The following ACACA variants were observed in gnomAD, a reference collection of about 807,000 sequenced individuals.
The protein encoded by ACACA is acetyl-CoA carboxylase 1.
ACACA carries 103 observed loss-of-function variants against 296.1 expected under a neutral mutation model. That is an observed-to-expected ratio of 0.35 (90% confidence interval 0.30 to 0.41). The LOEUF (loss-of-function observed/expected upper bound fraction) is 0.41. ACACA is among the 10% of genes least tolerant of loss of function. The probability of loss-of-function intolerance (pLI) is 1.00; values close to 1 mark genes in which losing one functional copy is unlikely to be tolerated. For missense variants in ACACA, 1,554 were observed against 2,989.7 expected, an observed-to-expected ratio of 0.52 and a Z score of 11.20; for synonymous variants, 953 against 1,038.6, an observed-to-expected ratio of 0.92 and a Z score of 1.58.
rs748194912 is a variant in ACACA at position 37,274,294 on chromosome 17, G to A, written c.907C>T (p.Arg303Cys). The change falls in exon 9 of 56, where the codon CGT (arginine) becomes TGT (cysteine). Residue 303 changes from arginine to cysteine, a missense_variant. This residue lies in a region of ACACA where 47 missense variants were observed against 55.4 expected (regional missense o/e 0.85). Coordinates refer to ENST00000616317, the MANE Select transcript of ACACA (RefSeq NM_198834.3). ...PTLPWSGSGLRVDWQENDFSK... is the reference protein window; with the variant it reads ...PTLPWSGSGLCVDWQENDFSK... ...AAATCATTTTCCTGCCAGTCCACACGAAGACCTGCAACAGACAATAGCAAC... is the reference window on the plus strand; with the variant it reads ...AAATCATTTTCCTGCCAGTCCACACAAAGACCTGCAACAGACAATAGCAAC... 3.6e-5 allele frequency: 58 copies of A among 1,613,396 alleles called. 1 individual carries two copies. The highest frequency in any genetic ancestry group is 1.6e-4 in the Middle Eastern group (1 of 6,062).
chr17:37,107,342 C>T (rs1337342808), intron 52 of ACACA, among the ~76,000 whole-genome samples: 1 of 152,228 alleles, frequency 6.6e-6, no homozygotes, highest in African/African-American at 2.4e-5. Flanking sequence ...CTTTGATCAC[C>T]TCTGCCAGAA....
At chr17:37,263,478 G>A (rs867922741) in intron 11 of ACACA, among the ~76,000 whole-genome samples, 1 of 152,022 alleles carries the variant, frequency 6.6e-6, no homozygotes, top group African/African-American at 2.4e-5. Flanking sequence ...TTTAGAAAGC[G>A]TTAACTACTT....
chr17:37,400,793 T>C (rs1287548590), intron 1 of ACACA, among the ~76,000 whole-genome samples: 1 of 152,110 alleles, frequency 6.6e-6, no homozygotes, highest in Non-Finnish European at 1.5e-5. Flanking sequence ...TATTCATTCA[T>C]CCATTGGCAT....
At chr17:37,344,186 T>C (rs34553247) in intron 1 of ACACA, among the ~76,000 whole-genome samples, 3,866 of 152,218 alleles carry the variant, frequency 0.025, 104 homozygotes, top group African/African-American at 0.055. Flanking sequence ...CCCAGCATTC[T>C]GGGAGGCTGA....
chr17:37,162,326 C>T (rs1046749127), intron 41 of ACACA, among the ~76,000 whole-genome samples: 1 of 152,158 alleles, frequency 6.6e-6, no homozygotes, highest in African/African-American at 2.4e-5. Context: ...TAAATGCACT[C>T]AGGATACATG....
At chr17:37,375,631 TTTCCTGCTCTATTTCTATAA>T (rs1185969129) in intron 1 of ACACA, among the ~76,000 whole-genome samples, 1 of 152,210 alleles carries the variant, frequency 6.6e-6, no homozygotes, top group Admixed American at 6.5e-5. Context: ...CTAGTCCTAG[TTTCCTGCTCTATTTCTATAA>T]TTCCTGCTCT....
At chr17:37,132,541 T>C (rs781138218) in intron 45 of ACACA, among the ~76,000 whole-genome samples, 19 of 152,018 alleles carry the variant, frequency 1.2e-4, no homozygotes, top group Non-Finnish European at 2.1e-4. Context: ...TAAAATAAAA[T>C]TGGAAAGGGG....
At chr17:37,193,475 A>G (rs2305098) in intron 35 of ACACA, 60 bp from the exon 36 acceptor site, 179,056 of 1,292,592 alleles carry the variant, frequency 0.14, 16,510 homozygotes, top group East Asian at 0.42. Flanking sequence ...CTTTGAGAAC[A>G]AACAGTATAG....
At chr17:37,291,379 T>C (rs2146722973) in intron 3 of ACACA, among the ~76,000 whole-genome samples, 1 of 152,108 alleles carries the variant, frequency 6.6e-6, no homozygotes, top group Middle Eastern at 3.4e-3. Flanking sequence ...TTTCTCTATG[T>C]TGGTCAGGCT....
At chr17:37,362,621 A>G (rs1479075708) in intron 1 of ACACA, among the ~76,000 whole-genome samples, 1 of 152,204 alleles carries the variant, frequency 6.6e-6, no homozygotes, top group Admixed American at 6.5e-5. Context: ...TCGGTCAAAT[A>G]TTTAGATTAG....
At chr17:37,099,904 C>T (rs941700083) in intron 52 of ACACA, among the ~76,000 whole-genome samples, 1 of 152,088 alleles carries the variant, frequency 6.6e-6, no homozygotes, top group Non-Finnish European at 1.5e-5. Flanking sequence ...CCTCAAAAAA[C>T]GATTGAGACA....
intron 25 of ACACA, among the ~76,000 whole-genome samples, chr17:37,232,864 A>ATCCTCCTCC (rs369902920): frequency 1.3e-5 from 2 of 150,924 alleles, no homozygotes; most frequent in Non-Finnish European, 1.5e-5. Flanking sequence ...AACCGTCCTT[A>ATCCTCCTCC]TCCTCCTCCT....
rs577024561 is a variant in ACACA, at chr17:37,267,457, C to T, written c.1119+3294G>A. 8.5e-5 allele frequency among the ~76,000 whole-genome samples: 13 copies of T among 152,332 alleles called. No individual in the cohort carries two copies. In the South Asian group the frequency reaches 2.5e-3, roughly 29 times the overall value. ...TGCTCCAAGACAGCAAGAGCAACAA[C>T]TACAAAACCATTGCAAATAATTTCT... On this transcript the variant is annotated intron_variant, in intron 10 of 55. Coordinates refer to ENST00000616317, the MANE Select transcript of ACACA (RefSeq NM_198834.3).
At chr17:37,114,294 C>G (rs2074127662) in intron 50 of ACACA, among the ~76,000 whole-genome samples, 1 of 152,186 alleles carries the variant, frequency 6.6e-6, no homozygotes, top group South Asian at 2.1e-4. Flanking sequence ...ATAATCACAG[C>G]TCCTTGGGAG....
chr17:37,157,320 C>T (rs1013804727), intron 42 of ACACA, among the ~76,000 whole-genome samples: 1 of 152,106 alleles, frequency 6.6e-6, no homozygotes, highest in Non-Finnish European at 1.5e-5. Context: ...TTTAAGAAAG[C>T]AGAGTCGGGT....
chr17:37,148,225 C>T lies in ACACA; in HGVS notation c.5679+1639G>A, dbSNP rs550534397. ...CATCCTAAGAAGGTATCCAAAAGAG[C>T]AACTTAAAAAAAAAAAAAACAACAA... On this transcript the variant is annotated intron_variant, in intron 45 of 55. Coordinates refer to ENST00000616317, the MANE Select transcript of ACACA (RefSeq NM_198834.3). Among the ~76,000 whole-genome samples the T allele has an allele frequency of 1.2e-3, 174 of 148,368 alleles. 1 individual carries two copies. Among genetic ancestry groups the T allele is most frequent in the African/African-American group, 4.0e-3 (161 of 40,400 alleles).
rs748559276 is a variant in ACACA, at chr17:37,263,718, A to T, written c.1296T>A (p.Ile432=). 1 of 1,614,134 alleles carries T rather than the reference A, an allele frequency of 6.2e-7. No individual in the cohort carries two copies. Among genetic ancestry groups the T allele is most frequent in the Non-Finnish European group, 8.5e-7 (1 of 1,179,998 alleles). The change falls in exon 11 of 56, where the codon ATT becomes ATA. Residue 432 remains isoleucine, a synonymous_variant. Coordinates refer to ENST00000616317, the MANE Select transcript of ACACA (RefSeq NM_198834.3). ...QKIIEEAPAT[I]ATPAVFEHME... ...TGTGTTCAAATACTGCTGGAGTAGC[A>T]ATAGTAGCAGGTGCTTCTTCAATAA...
chr17:37,289,321 G>T, intron 3 of ACACA: 2 of 540,160 alleles, frequency 3.7e-6, no homozygotes, highest in South Asian at 1.9e-5. Flanking sequence ...GGTATATCTG[G>T]CTGTAAATTA....
At chr17:37,219,722 T>C (rs2079195302) in intron 29 of ACACA, among the ~76,000 whole-genome samples, 3 of 148,518 alleles carry the variant, frequency 2.0e-5, no homozygotes, top group Admixed American at 6.7e-5. Context: ...ATTTTTCATA[T>C]ATTATAATAT....
Sources: gnomAD v4.1 joint callset for allele counts (sites outside exome capture counted in the v4.1 genomes callset) on GRCh38, gnomAD v4.1.1 for gene constraint, gnomAD v4.1.1 regional missense constraint, MANE v1.5 for transcripts, NCBI Gene and HGNC (gene_info 2026-07-23, HGNC 2026-07-21) for gene names.